Variants in GFPT1 observed in about 807,000 individuals in gnomAD.
GFPT1 encodes the protein glutamine--fructose-6-phosphate transaminase 1.
GFPT1 carries 40 observed loss-of-function variants against 92.0 expected under a neutral mutation model. The observed-to-expected ratio is 0.43, with a 90% confidence interval of 0.34 to 0.57. The LOEUF is 0.57. GFPT1 is among the 20% of genes least tolerant of loss of function. The pLI, the probability that GFPT1 is intolerant of heterozygous loss-of-function variation, is 0.02. For missense variants in GFPT1, 448 were observed against 869.1 expected (o/e 0.52, Z 6.09); for synonymous variants, 269 against 280.6 (o/e 0.96, Z 0.41).
chr2:69,349,450 G>A (rs1671157261), intron 10 of GFPT1, among the ~76,000 whole-genome samples: 1 of 152,076 alleles, frequency 6.6e-6, no homozygotes, highest in South Asian at 2.1e-4. Context: ...ATTCCCTGAT[G>A]TCCTAAATGG....
At chr2:69,331,384 T>A (rs769627618) in intron 15 of GFPT1, among the ~76,000 whole-genome samples, 25 of 152,192 alleles carry the variant, frequency 1.6e-4, no homozygotes, top group Non-Finnish European at 3.2e-4. Context: ...AACAAAAAAA[T>A]TAGACAAATG....
intron 7 of GFPT1, among the ~76,000 whole-genome samples, chr2:69,355,180 T>C (rs1671308249): frequency 6.6e-6 from 1 of 152,106 alleles, no homozygotes; most frequent in Admixed American, 6.6e-5. Context: ...TGGCCTCAAG[T>C]GATCCCCTTG....
rs947665847 is a variant in GFPT1 at position 69,380,552 on chromosome 2, A to G, written c.8-6439T>C. The stretch of plus-strand genomic sequence containing the variant: ...AGCTCAAATCACTAGTTAAGTCATG[A>G]CATCTCTATACATTCCCTCACAGTC... On this transcript the variant is annotated intron_variant, in intron 1 of 19. Coordinates refer to ENST00000357308, the MANE Select transcript of GFPT1 (RefSeq NM_001244710.2). 2.0e-5 allele frequency among the ~76,000 whole-genome samples: 3 copies of G among 152,170 alleles called. No individual in the cohort carries two copies. In the East Asian group the frequency reaches 5.8e-4, roughly 29 times the overall value.
rs201325220 is a variant in GFPT1 at position 69,384,789 on chromosome 2, GAAAGA to G, written c.7+2271_7+2275del. Among the ~76,000 whole-genome samples the G allele has an allele frequency of 3.0e-3, 446 of 148,892 alleles. 1 individual carries two copies. Among genetic ancestry groups the G allele is most frequent in the African/African-American group, 0.01 (425 of 40,784 alleles). ...GAAGAAAGAAAGAAAAAGAAAGAAA[GAAAGA>G]AAAGAAAAGAAAGAAGGAAAGAAAG... On this transcript the variant is annotated intron_variant, in intron 1 of 19. Coordinates refer to ENST00000357308, the MANE Select transcript of GFPT1 (RefSeq NM_001244710.2).
At chr2:69,340,144 T>A (rs1031054407) in intron 13 of GFPT1, among the ~76,000 whole-genome samples, 41 of 20,150 alleles carry the variant, frequency 2.0e-3, no homozygotes, top group African/African-American at 0.018. Flanking sequence ...GGGCAACTTT[T>A]TTTTTTTTTT....
In GFPT1 at chr2:69,323,038, GTAT is replaced by G. The variant is rs1670451366; in HGVS notation, c.*3148_*3150del. 6.6e-6 allele frequency: 1 copy of G among 152,106 alleles called. No individual in the cohort carries two copies. The highest frequency in any genetic ancestry group is 6.5e-5 in the Admixed American group (1 of 15,276). 9.4% of individuals were successfully genotyped at this position (152,106 alleles called of 1,614,324 possible). On this transcript the variant is annotated 3_prime_UTR_variant, in exon 20 of 20. Transcript: ENST00000357308. ...AACCACAGTGACTTTCCCATAATAGGTATTAATAAACACTTGTTGACATAGTTA... is the reference window on the plus strand; with the variant it reads ...AACCACAGTGACTTTCCCATAATAGGTAATAAACACTTGTTGACATAGTTA...
chr2:69,366,280 G>A (rs1325292500), intron 3 of GFPT1, among the ~76,000 whole-genome samples: 3 of 152,158 alleles, frequency 2.0e-5, no homozygotes. Flanking sequence ...ATTACCGAAT[G>A]TCTAGTAAGA....
intron 1 of GFPT1, among the ~76,000 whole-genome samples, chr2:69,378,132 A>C: frequency 6.6e-6 from 1 of 152,164 alleles, no homozygotes; most frequent in Non-Finnish European, 1.5e-5. Flanking sequence ...CAGCCTCCCA[A>C]GTAGCTGGAA....
At chr2:69,352,395 A>G (rs532662139) in intron 9 of GFPT1, among the ~76,000 whole-genome samples, 104 of 149,856 alleles carry the variant, frequency 6.9e-4, no homozygotes, top group African/African-American at 2.5e-3. Context: ...TGGGCGGATC[A>G]TGAGGTCAGG....
chr2:69,341,909 C>T (rs1670962622), intron 13 of GFPT1, among the ~76,000 whole-genome samples: 2 of 152,270 alleles, frequency 1.3e-5, no homozygotes, highest in South Asian at 4.1e-4. Flanking sequence ...CCCTCTTGGC[C>T]TTTCATGAAG....
intron 2 of GFPT1, among the ~76,000 whole-genome samples, chr2:69,371,111 C>T (rs6727392): frequency 0.66 from 91,902 of 139,802 alleles, 31,059 homozygotes; most frequent in African/African-American, 0.84. Context: ...GGTTCTTGCT[C>T]TGTCGCCCAG....
intron 2 of GFPT1, among the ~76,000 whole-genome samples, chr2:69,371,081 T>C (rs150053036): frequency 0.011 from 1,581 of 148,694 alleles, 29 homozygotes; most frequent in African/African-American, 0.037. Flanking sequence ...CTTTTCTTTT[T>C]TTTTTTTTTT....
intron 15 of GFPT1, among the ~76,000 whole-genome samples, chr2:69,335,928 A>C (rs1439140216): frequency 6.6e-6 from 1 of 151,768 alleles, no homozygotes; most frequent in Non-Finnish European, 1.5e-5. Flanking sequence ...CAGGAGGCTA[A>C]GGTGGGAGGA....
Position 69,324,691 on chromosome 2 carries a change from G to C in GFPT1, c.*1498C>G, listed in dbSNP as rs1367222617. 1 of 151,838 alleles carries C rather than the reference G, an allele frequency of 6.6e-6. No homozygotes were observed. The highest frequency in any genetic ancestry group is 1.5e-5 in the Non-Finnish European group (1 of 67,924). 9.4% of individuals were successfully genotyped at this position (151,838 alleles called of 1,614,324 possible). ...AGTTAAAACAAGAAAAGAAAGAAAA[G>C]AAAGGAAAAAACAGCTTACTTAAAT... On this transcript the variant is annotated 3_prime_UTR_variant, in exon 20 of 20. Coordinates refer to ENST00000357308, the MANE Select transcript of GFPT1 (RefSeq NM_001244710.2).
intron 4 of GFPT1, among the ~76,000 whole-genome samples, chr2:69,362,947 C>G (rs547906977): frequency 7.2e-5 from 11 of 152,032 alleles, no homozygotes; most frequent in African/African-American, 2.7e-4. Context: ...AGGACAAAAC[C>G]AATAACAAAA....
intron 15 of GFPT1, among the ~76,000 whole-genome samples, chr2:69,332,314 T>TC (rs1553386611): frequency 7.4e-6 from 1 of 136,050 alleles, no homozygotes; most frequent in African/African-American, 2.8e-5. Flanking sequence ...TTTTCTTTTC[T>TC]TTTTTTTTTT....
intron 1 of GFPT1, among the ~76,000 whole-genome samples, chr2:69,385,613 A>C (rs1178776906): frequency 6.6e-6 from 1 of 151,926 alleles, no homozygotes; most frequent in Non-Finnish European, 1.5e-5. Flanking sequence ...TGCAACCAGA[A>C]TGTTGAGTAC....
At chr2:69,334,718 G>T (rs1021303033) in intron 15 of GFPT1, 9 of 152,148 alleles carry the variant, frequency 5.9e-5, no homozygotes, top group African/African-American at 1.9e-4. Flanking sequence ...CAGGCTAAAT[G>T]AAAGAAGCTA....
chr2:69,366,701 TG>T (rs1189593383), intron 3 of GFPT1, among the ~76,000 whole-genome samples: 2 of 152,238 alleles, frequency 1.3e-5, no homozygotes, highest in Non-Finnish European at 2.9e-5. Flanking sequence ...TCCTCTCACC[TG>T]GTAATTATCT....
Sources: allele counts gnomAD v4.1 joint callset (sites outside exome capture counted in the v4.1 genomes callset), GRCh38; gene constraint gnomAD v4.1.1; transcripts MANE v1.5; gene names NCBI Gene and HGNC (gene_info 2026-07-23, HGNC 2026-07-21).